Variants in MCTP1 observed in about 807,000 individuals in gnomAD.
MCTP1 encodes multiple C2 and transmembrane domain containing 1.
In MCTP1, 69 loss-of-function variants were observed where a neutral mutation model predicts 120.6. The observed-to-expected ratio is 0.57, with a 90% confidence interval of 0.47 to 0.70. The LOEUF (loss-of-function observed/expected upper bound fraction) is 0.70, where lower values mean the gene tolerates loss of function less well. MCTP1 is among the 30% of genes least tolerant of loss of function. MCTP1 has a pLI of 0.00. For missense variants in MCTP1, 1,203 were observed against 1,248.8 expected, an observed-to-expected ratio of 0.96 and a Z score of 0.55; for synonymous variants, 529 against 493.1, an observed-to-expected ratio of 1.07 and a Z score of -0.96.
intron 1 of MCTP1, among the ~76,000 whole-genome samples, chr5:95,211,164 C>T (rs1208946199): frequency 2.6e-5 from 4 of 152,002 alleles, no homozygotes; most frequent in Non-Finnish European, 4.4e-5. Context: ...TGGAGTTGCT[C>T]TTCTCGAGGA....
intron 1 of MCTP1, among the ~76,000 whole-genome samples, chr5:95,182,518 T>A (rs1373916584): frequency 1.3e-5 from 2 of 152,234 alleles, no homozygotes; most frequent in African/African-American, 2.4e-5. Context: ...CATTTTCTTA[T>A]ACTTTCATAA....
At chr5:94,748,033 C>T (rs1331517556) in intron 19 of MCTP1, among the ~76,000 whole-genome samples, 3 of 152,054 alleles carry the variant, frequency 2.0e-5, no homozygotes, top group East Asian at 1.9e-4. Context: ...GAGGTTGCAG[C>T]GAGCTGAGAT....
chr5:95,266,443 GAA>G (rs1758891551), intron 1 of MCTP1, among the ~76,000 whole-genome samples: 1 of 152,182 alleles, frequency 6.6e-6, no homozygotes, highest in African/African-American at 2.4e-5. Context: ...GTTAGTTTCT[GAA>G]AAGGGTTTAT....
At chr5:94,718,046 G>A (rs139401752) in intron 19 of MCTP1, among the ~76,000 whole-genome samples, 22 of 152,176 alleles carry the variant, frequency 1.4e-4, no homozygotes, top group African/African-American at 4.3e-4. Context: ...AAAAGAGCCC[G>A]TATAGCTAAG....
At chr5:94,953,382 T>A in intron 2 of MCTP1, 21 bp from the exon 3 acceptor site, 3 of 1,550,312 alleles carry the variant, frequency 1.9e-6, no homozygotes, top group Non-Finnish European at 2.6e-6. Flanking sequence ...GATAGATTGA[T>A]CCATGTTAAT....
intron 19 of MCTP1, among the ~76,000 whole-genome samples, chr5:94,758,664 T>C (rs1484561527): frequency 6.6e-6 from 1 of 152,146 alleles, no homozygotes; most frequent in Non-Finnish European, 1.5e-5. Flanking sequence ...TATTTATGAA[T>C]AAATAAGAAA....
chr5:95,072,991 C>T (rs552977913), intron 1 of MCTP1, among the ~76,000 whole-genome samples: 2 of 152,168 alleles, frequency 1.3e-5, no homozygotes, highest in African/African-American at 4.8e-5. Flanking sequence ...GTGATCCGTT[C>T]GCCTTGGCCT....
intron 13 of MCTP1, among the ~76,000 whole-genome samples, chr5:94,872,523 C>T (rs114036308): frequency 0.012 from 1,870 of 152,078 alleles, 10 homozygotes; most frequent in Non-Finnish European, 0.021. Context: ...GGAGAATTTT[C>T]CTTTGTTCAG....
At chr5:95,255,889 T>C (rs529850752) in intron 1 of MCTP1, among the ~76,000 whole-genome samples, 3 of 152,214 alleles carry the variant, frequency 2.0e-5, no homozygotes, top group African/African-American at 7.2e-5. Context: ...AAGCAATCAG[T>C]GCATCCCAGC....
chr5:95,097,848 G>A (rs1247113419), intron 1 of MCTP1, among the ~76,000 whole-genome samples: 3 of 152,158 alleles, frequency 2.0e-5, no homozygotes, highest in African/African-American at 7.2e-5. Context: ...TCCAACAACT[G>A]GGGTCATGGT....
intron 1 of MCTP1, among the ~76,000 whole-genome samples, chr5:95,089,552 G>T (rs544483291): frequency 1.3e-5 from 2 of 152,178 alleles, no homozygotes; most frequent in Non-Finnish European, 2.9e-5. Flanking sequence ...TATTTTAAAT[G>T]TGAAGCGAAG....
intron 1 of MCTP1, among the ~76,000 whole-genome samples, chr5:95,067,826 C>A (rs1312074939): frequency 6.6e-6 from 1 of 152,078 alleles, no homozygotes; most frequent in East Asian, 1.9e-4. Flanking sequence ...ATTCCTTTGA[C>A]AATTTGGAAA....
chr5:95,018,863 A>G (rs1051561956), intron 1 of MCTP1, among the ~76,000 whole-genome samples: 6 of 152,080 alleles, frequency 3.9e-5, no homozygotes, highest in Non-Finnish European at 7.4e-5. Context: ...ACAAAGGAGT[A>G]AAAAGTAAAG....
chr5:95,284,032 C>T lies in MCTP1; in HGVS notation c.544G>A (p.Glu182Lys). 6.6e-7 allele frequency: 1 copy of T among 1,514,870 alleles called. No individual in the cohort carries two copies. The highest frequency in any genetic ancestry group is 1.4e-5 in the African/African-American group (1 of 70,352). The allele number at this position is 1,514,870 out of a possible 1,614,324, so 93.8% of individuals were successfully genotyped here. ...CCGGGGCCCTGACGCCGTGCACCCT[C>T]ATCTCGGGCGCGGTCCCCCCTCGGG... Reference protein sequence around the residue: ...PPPRGDRARDEGARRQGPGAH... With the variant: ...PPPRGDRARDKGARRQGPGAH... Residue 182 changes from glutamate (E) to lysine (K), a missense_variant, in exon 1 of 23, where the codon GAG becomes AAG. Physicochemically the swap from Glu to Lys is moderately conservative, Grantham distance 56. Around this residue, in one of 2 missense-constraint regions of MCTP1, gnomAD observed 463 missense variants for 377.8 expected, o/e 1.23. Coordinates refer to ENST00000515393, the MANE Select transcript of MCTP1 (RefSeq NM_024717.7). The surrounding 1 kb of genome is among the most constrained non-coding windows in gnomAD (Gnocchi z 5.2).
intron 1 of MCTP1, among the ~76,000 whole-genome samples, chr5:95,154,844 T>G (rs1283660567): frequency 6.6e-6 from 1 of 152,128 alleles, no homozygotes; most frequent in East Asian, 1.9e-4. Flanking sequence ...ATAAATTTTG[T>G]GATAATTTTG....
chr5:95,012,433 AT>A (rs1160672181), intron 2 of MCTP1, among the ~76,000 whole-genome samples: 1 of 151,944 alleles, frequency 6.6e-6, no homozygotes, highest in African/African-American at 2.4e-5. Flanking sequence ...ACCTCATTTC[AT>A]TGCACTTTGT....
intron 17 of MCTP1, among the ~76,000 whole-genome samples, chr5:94,846,417 C>T (rs1381736751): frequency 6.6e-6 from 1 of 152,066 alleles, no homozygotes; most frequent in African/African-American, 2.4e-5. Flanking sequence ...AAACAAGCAC[C>T]ACATGTTCTC....
At chr5:94,871,003 T>C (rs746009760) in intron 14 of MCTP1, 30 bp from the exon 15 acceptor site, 8 of 1,557,810 alleles carry the variant, frequency 5.1e-6, no homozygotes, top group Non-Finnish European at 7.1e-6. Flanking sequence ...CAGCCGTCTG[T>C]CTCGCGGTCT....
At position 94,953,898 on chromosome 5, in the gene MCTP1, T is replaced by TATATATGCATATATATACAAATATA. The variant is rs1821439356; in HGVS notation, c.839-562_839-538dup. ...ATATATATGCATATATATACAAATA[T>TATATATGCATATATATACAAATATA]ATATATGCATATATATACAAATATA... On this transcript the variant is annotated intron_variant, in intron 2 of 22. Coordinates refer to ENST00000515393, the MANE Select transcript of MCTP1 (RefSeq NM_024717.7). Among the ~76,000 whole-genome samples, 2 of 73,538 alleles carry TATATATGCATATATATACAAATATA rather than the reference T, an allele frequency of 2.7e-5. 1 individual carries two copies. Among genetic ancestry groups the TATATATGCATATATATACAAATATA allele is most frequent in the Non-Finnish European group, 5.4e-5 (2 of 36,828 alleles). The allele number at this position is 73,538 out of a possible 152,430, so 48.2% of individuals were successfully genotyped here. A position where few individuals can be genotyped will look rare whatever the true frequency, so the allele number is the denominator to read the frequency against.
Sources: allele counts gnomAD v4.1 joint callset (sites outside exome capture counted in the v4.1 genomes callset), GRCh38; gene constraint gnomAD v4.1.1; regional missense constraint gnomAD v4.1.1; non-coding constraint Gnocchi (gnomAD v3.1); transcripts MANE v1.5; gene names NCBI Gene and HGNC (gene_info 2026-07-23, HGNC 2026-07-21).